The following VRK3 variants were observed in gnomAD, a reference collection of about 807,000 sequenced individuals.
VRK3 encodes serine/threonine-protein kinase VRK3.
In VRK3, 50 loss-of-function variants were observed where a neutral mutation model predicts 60.4. The ratio of observed to expected loss-of-function variants is 0.83; its 90% CI spans 0.66 to 1.05. VRK3 has a LOEUF of 1.05. Ranked by LOEUF, VRK3 falls within the 50% of genes least tolerant of loss-of-function variation. The probability of loss-of-function intolerance (pLI) is 0.00; values close to 1 mark genes in which losing one functional copy is unlikely to be tolerated. For synonymous variants in VRK3, 246 were observed against 227.8 expected, an observed-to-expected ratio of 1.08 and a Z score of -0.72; for missense variants, 549 against 585.3, an observed-to-expected ratio of 0.94 and a Z score of 0.64.
intron 13 of VRK3, 53 bp from the exon 14 acceptor site, chr19:49,979,295 C>T: frequency 2.5e-6 from 4 of 1,612,466 alleles, no homozygotes; most frequent in Non-Finnish European, 3.4e-6. Context: ...ATCCCCCAAC[C>T]CCGATCCTGG....
At chr19:49,993,365 G>A (rs9304691) in intron 9 of VRK3, among the ~76,000 whole-genome samples, 7,976 of 152,200 alleles carry the variant, frequency 0.052, 689 homozygotes, top group African/African-American at 0.18. Flanking sequence ...AGCTCCAGCT[G>A]TCCCTATGAG....
chr19:49,991,518 T>TACACACACACACACACACACAC (rs937491646), intron 10 of VRK3, among the ~76,000 whole-genome samples: 101 of 150,824 alleles, frequency 6.7e-4, no homozygotes, highest in African/African-American at 2.3e-3. Context: ...AATAAATCTC[T>TACACACACACACACACACACAC]ACACACACAC....
chr19:49,992,355 G>C (rs1324675868), intron 10 of VRK3, among the ~76,000 whole-genome samples: 4 of 152,208 alleles, frequency 2.6e-5, no homozygotes, highest in Non-Finnish European at 5.9e-5. Flanking sequence ...GATGAGCCGA[G>C]ATCGTGCCAT....
chr19:49,996,718 G>A (rs577245816), intron 7 of VRK3, among the ~76,000 whole-genome samples: 2 of 152,194 alleles, frequency 1.3e-5, no homozygotes, highest in African/African-American at 4.8e-5. Flanking sequence ...CCAGGTTCGA[G>A]TGATTCTCCC....
Position 49,992,958 on chromosome 19 carries a change from G to C in VRK3, c.871-6C>G, listed in dbSNP as rs765156633. ...AGGAACTCCAGGGCATCCAGCTGGGGGAAGAAGCAAGTCAGTGTCTGCATG... is the reference window on the plus strand; with the variant it reads ...AGGAACTCCAGGGCATCCAGCTGGGCGAAGAAGCAAGTCAGTGTCTGCATG... On this transcript the variant is annotated splice_polypyrimidine_tract_variant and splice_region_variant and intron_variant, in intron 9 of 14. Transcript: ENST00000316763. The C allele has an allele frequency of 6.2e-7, 1 of 1,610,462 alleles. No individual in the cohort carries two copies. Among genetic ancestry groups the C allele is most frequent in the Non-Finnish European group, 8.5e-7 (1 of 1,179,862 alleles).
At chr19:49,981,237 A>G (rs2076416874) in intron 12 of VRK3, 1 of 572,008 alleles carries the variant, frequency 1.7e-6, no homozygotes, top group Non-Finnish European at 3.1e-6. Flanking sequence ...TGGCCACACG[A>G]TTTTCCCCGA....
At chr19:49,976,875 G>C (rs1280206696) in intron 14 of VRK3, 91 bp from the exon 15 acceptor site, 1 of 152,180 alleles carries the variant, frequency 6.6e-6, no homozygotes, top group Non-Finnish European at 1.5e-5. Flanking sequence ...TCTAGGTTCT[G>C]GGGATGTCAT....
At chr19:49,985,054 G>A (rs116574306) in intron 12 of VRK3, among the ~76,000 whole-genome samples, 7,906 of 152,202 alleles carry the variant, frequency 0.052, 680 homozygotes, top group African/African-American at 0.18. Flanking sequence ...TTAGTGAGAG[G>A]AGTGAACCCT....
chr19:49,990,240 T>A (rs2076587043), intron 10 of VRK3, among the ~76,000 whole-genome samples: 1 of 152,142 alleles, frequency 6.6e-6, no homozygotes, highest in African/African-American at 2.4e-5. Context: ...CTATACCAGT[T>A]CTCTCTGCTA....
chr19:50,021,922 T>C (rs1175565081), intron 1 of VRK3, among the ~76,000 whole-genome samples: 2 of 152,198 alleles, frequency 1.3e-5, no homozygotes, highest in Non-Finnish European at 2.9e-5. Flanking sequence ...TTTGGGGAGA[T>C]GAGAAGCAGA....
chr19:49,988,204 C>T (rs532731694), intron 12 of VRK3, 168 bp downstream of exon 12: 14 of 1,044,572 alleles, frequency 1.3e-5, no homozygotes, highest in African/African-American at 9.8e-5. Context: ...ACACCTGCCT[C>T]GCCTGCTGTG....
rs556956233 is a variant in VRK3, at chr19:49,994,979, C to T, written c.765-60G>A. ...GAACAGGGGAGAGAGGAGTACCGGC[C>T]GCCAAGGATGGACTGTTGCGTGGGC... On this transcript the variant is annotated intron_variant, in intron 8 of 14. Transcript: ENST00000316763. The T allele has an allele frequency of 1.5e-3, 2,229 of 1,515,924 alleles. 43 individuals carry two copies. In the South Asian group the frequency reaches 0.024, roughly 16 times the overall value. 93.9% of individuals were successfully genotyped at this position (1,515,924 alleles called of 1,614,324 possible).
At chr19:49,993,031 C>G (rs1052724360) in intron 9 of VRK3, 79 bp from the exon 10 acceptor site, 1 of 1,309,828 alleles carries the variant, frequency 7.6e-7, no homozygotes, top group Non-Finnish European at 1.1e-6. Flanking sequence ...CAGGAGGGAG[C>G]CCCACTATTA....
chr19:49,988,598 C>CA lies in VRK3; in HGVS notation c.1097-107dup, dbSNP rs2076558391. ...TCTCTCACTGACTCAACCACACACTCATACACCCAGCCTTCCAGCCATATG... is the reference window on the plus strand; with the variant it reads ...TCTCTCACTGACTCAACCACACACTCAATACACCCAGCCTTCCAGCCATATG... On this transcript the variant is annotated intron_variant, in intron 11 of 14. Transcript: ENST00000316763. The CA allele has an allele frequency of 3.5e-6, 5 of 1,434,578 alleles. No homozygotes were observed. The Admixed American group carries it at 9.5e-5, about 27-fold the overall frequency. 88.9% of individuals were successfully genotyped at this position (1,434,578 alleles called of 1,614,324 possible).
chr19:49,993,758 C>G (rs1303061152), intron 9 of VRK3, among the ~76,000 whole-genome samples: 1 of 152,020 alleles, frequency 6.6e-6, no homozygotes, highest in Non-Finnish European at 1.5e-5. Context: ...TATCCCCAAC[C>G]CTCTTTGACC....
At chr19:50,003,626 G>C (rs1359649829) in intron 5 of VRK3, among the ~76,000 whole-genome samples, 14 of 152,218 alleles carry the variant, frequency 9.2e-5, no homozygotes, top group Non-Finnish European at 1.5e-5. Context: ...GCAGAGAGTG[G>C]GGTAAAGTGT....
intron 10 of VRK3, among the ~76,000 whole-genome samples, chr19:49,991,682 T>G (rs1029184915): frequency 6.6e-6 from 1 of 152,190 alleles, no homozygotes. Context: ...TTTGGGGATT[T>G]AAGCCTAATT....
chr19:49,979,879 T>TA (rs572405271), intron 13 of VRK3, among the ~76,000 whole-genome samples: 32,056 of 141,828 alleles, frequency 0.23, 3,694 homozygotes, highest in East Asian at 0.33. Context: ...CCATCTCTAC[T>TA]AAAAAAAAAA....
At chr19:50,009,417 G>T in intron 3 of VRK3, 32 bp from the exon 4 acceptor site, 1 of 1,610,410 alleles carries the variant, frequency 6.2e-7, no homozygotes, top group Non-Finnish European at 8.5e-7. Flanking sequence ...GCAGACTGGA[G>T]TTACAAAGGC....
Sources: gnomAD v4.1 joint callset for allele counts (sites outside exome capture counted in the v4.1 genomes callset) on GRCh38, gnomAD v4.1.1 for gene constraint, MANE v1.5 for transcripts, NCBI Gene and HGNC (gene_info 2026-07-23, HGNC 2026-07-21) for gene names.